Variants in DHX29 observed in about 807,000 individuals in gnomAD.
The protein encoded by DHX29 is DExH-box helicase 29, also known as ATP-dependent RNA helicase DHX29.
In DHX29, 79 loss-of-function variants were observed where a neutral mutation model predicts 167.9. The observed-to-expected ratio is 0.47, with a 90% CI of 0.39 to 0.57. DHX29 has a LOEUF of 0.57. Ranked by LOEUF, DHX29 falls within the 20% of genes least tolerant of loss-of-function variation. The pLI is 0.00. For synonymous variants in DHX29, 530 were observed against 546.0 expected (o/e 0.97, Z 0.41); for missense variants, 1,347 against 1,593.4 (o/e 0.85, Z 2.63).
At chr5:55,284,963 T>C (rs189192063) in intron 10 of DHX29, among the ~76,000 whole-genome samples, 13 of 152,236 alleles carry the variant, frequency 8.5e-5, no homozygotes, top group Non-Finnish European at 1.3e-4. Flanking sequence ...GAGGCTTCAG[T>C]GAGCTATGAC....
intron 12 of DHX29, chr5:55,279,631 CA>C (rs1035535607): frequency 6.6e-5 from 10 of 152,482 alleles, no homozygotes; most frequent in African/African-American, 2.2e-4. Flanking sequence ...CTCAGCCTTG[CA>C]AGCAGATGGG....
chr5:55,300,455 A>G (rs543043464), intron 1 of DHX29, among the ~76,000 whole-genome samples: 4 of 152,264 alleles, frequency 2.6e-5, no homozygotes, highest in Admixed American at 1.3e-4. Flanking sequence ...GGCAGATCAC[A>G]TGAGGTCAGG....
rs758921984 is a variant in DHX29 at position 55,307,671 on chromosome 5, C to T, written c.-98G>A. 1.1e-4 allele frequency: 166 copies of T among 1,474,958 alleles called. 1 individual carries two copies. Among genetic ancestry groups the T allele is most frequent in the Middle Eastern group, 7.3e-4 (3 of 4,104 alleles). 91.4% of individuals were successfully genotyped at this position (1,474,958 alleles called of 1,614,324 possible). A position where few individuals can be genotyped will look rare whatever the true frequency, so the allele number is the denominator to read the frequency against. On this transcript the variant is annotated 5_prime_UTR_variant, in exon 1 of 27. Transcript: ENST00000251636. The stretch of plus-strand genomic sequence containing the variant: ...CATTCCCCGGCTCCGGGGCTGCCAC[C>T]CTGCGCTTCGATCCGGGCTTCTCGG...
intron 1 of DHX29, 25 bp downstream of exon 1, chr5:55,307,362 C>G: frequency 6.2e-7 from 1 of 1,602,218 alleles, no homozygotes; most frequent in South Asian, 1.1e-5. Flanking sequence ...GGGCAGACAG[C>G]CAGGGGCTGG....
At chr5:55,306,223 T>C (rs1363304830) in intron 1 of DHX29, among the ~76,000 whole-genome samples, 2 of 152,204 alleles carry the variant, frequency 1.3e-5, no homozygotes, top group Non-Finnish European at 2.9e-5. Flanking sequence ...GCCTACTTTT[T>C]CAGTCTCATC....
chr5:55,258,364 C>T (rs966261721), intron 26 of DHX29, among the ~76,000 whole-genome samples: 1 of 152,146 alleles, frequency 6.6e-6, no homozygotes. Context: ...AAAAACAACT[C>T]AGTTTATTAA....
intron 10 of DHX29, among the ~76,000 whole-genome samples, chr5:55,284,496 A>G (rs151208841): frequency 6.6e-6 from 1 of 152,332 alleles, no homozygotes; most frequent in East Asian, 1.9e-4. Context: ...AAGGGAAATA[A>G]AGACATTAAG....
intron 8 of DHX29, 118 bp from the exon 9 acceptor site, chr5:55,285,979 G>T: frequency 1.3e-6 from 1 of 754,664 alleles, no homozygotes; most frequent in Non-Finnish European, 2.0e-6. Flanking sequence ...TTGAGGCCAG[G>T]TGCAGTGGCT....
At chr5:55,290,655 G>C (rs1230824618) in intron 6 of DHX29, among the ~76,000 whole-genome samples, 1 of 152,180 alleles carries the variant, frequency 6.6e-6, no homozygotes, top group Non-Finnish European at 1.5e-5. Flanking sequence ...CCCACATGGA[G>C]AAACTTCCTT....
intron 23 of DHX29, among the ~76,000 whole-genome samples, chr5:55,266,147 C>G (rs1226889337): frequency 1.3e-5 from 2 of 151,614 alleles, no homozygotes; most frequent in Non-Finnish European, 2.9e-5. Context: ...TACAGGTGCC[C>G]GCCATCACAC....
chr5:55,307,292 G>A, intron 1 of DHX29, 95 bp downstream of exon 1: 2 of 1,040,034 alleles, frequency 1.9e-6, no homozygotes, highest in Admixed American at 2.6e-5. Flanking sequence ...TAGAAATGTT[G>A]GGCCCGAAGC....
chr5:55,285,428 C>A lies in DHX29; in HGVS notation c.1233-12G>T, dbSNP rs771162764. ...TGATTACCCTAACCCTACAAAGAAGCAAACGCATTTTAAAAAAATAAAGTT... is the reference window on the plus strand; with the variant it reads ...TGATTACCCTAACCCTACAAAGAAGAAAACGCATTTTAAAAAAATAAAGTT... On this transcript the variant is annotated splice_polypyrimidine_tract_variant and intron_variant, in intron 9 of 26. Coordinates refer to ENST00000251636, the MANE Select transcript of DHX29 (RefSeq NM_019030.4). 1 of 1,579,894 alleles carries A rather than the reference C, an allele frequency of 6.3e-7. No individual in the cohort carries two copies. The highest frequency in any genetic ancestry group is 1.9e-5 in the Admixed American group (1 of 53,966).
In DHX29 at chr5:55,276,340, G is replaced by A. The variant is rs779205260; in HGVS notation, c.2353C>T (p.Gln785Ter). 6.2e-7 allele frequency: 1 copy of A among 1,603,438 alleles called. No homozygotes were observed. The highest frequency in any genetic ancestry group is 8.5e-7 in the Non-Finnish European group (1 of 1,175,484). ...TCTTCTTCCTCTTCCAGAAATTTCT[G>A]ACAATATTCTGAGTCTTTTTCCAGT... ...FVLEKDSEYCQKFLEEEEEVT... is the reference protein window; with the variant it reads ...FVLEKDSEYC Residue 785 changes from glutamine (Q) to a stop codon, truncating the protein, a stop_gained, in exon 14 of 27, where the codon CAG (glutamine) becomes TAG (stop). Transcript: ENST00000251636. LOFTEE classifies it high-confidence loss of function.
intron 13 of DHX29, 106 bp from the exon 14 acceptor site, chr5:55,276,512 T>C (rs1747124588): frequency 2.2e-6 from 2 of 908,004 alleles, no homozygotes; most frequent in African/African-American, 1.8e-5. Context: ...CAAATGTTAA[T>C]TTAGAATATT....
chr5:55,284,638 T>G (rs974633961), intron 10 of DHX29, among the ~76,000 whole-genome samples: 5 of 152,178 alleles, frequency 3.3e-5, no homozygotes, highest in African/African-American at 1.2e-4. Flanking sequence ...ACACTGACAA[T>G]CCAAAATTTT....
intron 12 of DHX29, among the ~76,000 whole-genome samples, chr5:55,279,978 G>C (rs1338163536): frequency 6.6e-6 from 1 of 151,998 alleles, no homozygotes; most frequent in Non-Finnish European, 1.5e-5. Flanking sequence ...AATTTGGCTG[G>C]AAGCACACTA....
Position 55,298,552 on chromosome 5 carries a change from A to G in DHX29, c.261+39T>C, listed in dbSNP as rs769305141. ...ATCTTTTTTGGGGGAAAAAAGGGGG[A>G]AACATTTCTTGAAATGACTCAAAAC... On this transcript the variant is annotated intron_variant, in intron 2 of 26. Coordinates refer to ENST00000251636, the MANE Select transcript of DHX29 (RefSeq NM_019030.4). 2.4e-5 allele frequency: 30 copies of G among 1,227,520 alleles called. No homozygotes were observed. In the African/African-American group the frequency reaches 4.5e-4, roughly 18 times the overall value. 76.0% of individuals were successfully genotyped at this position (1,227,520 alleles called of 1,614,324 possible).
intron 12 of DHX29, among the ~76,000 whole-genome samples, chr5:55,277,541 G>A (rs1431245132): frequency 6.6e-6 from 1 of 152,058 alleles, no homozygotes; most frequent in African/African-American, 2.4e-5. Flanking sequence ...CTCTACCCTA[G>A]GAGACGGTTT....
Position 55,307,438 on chromosome 5 carries a change from C to T in DHX29, c.136G>A (p.Ala46Thr), listed in dbSNP as rs1441088524. ...AQSKKPVSRP[A>T]TAAAAAAGSR... ...CCGGCAGCGGCAGCGGCAGCGGTGG[C>T]CGGCCTGGACACTGGCTTCTTGCTT... Residue 46 changes from alanine to threonine, a missense_variant, in exon 1 of 27, where the codon GCC becomes ACC. This residue lies in a region of DHX29 where 405 missense variants were observed against 416.8 expected (regional missense o/e 0.97). Transcript: ENST00000251636. The T allele has an allele frequency of 6.2e-7, 1 of 1,613,046 alleles. No homozygotes were observed. The highest frequency in any genetic ancestry group is 1.1e-5 in the South Asian group (1 of 91,070).
Sources: allele counts gnomAD v4.1 joint callset (sites outside exome capture counted in the v4.1 genomes callset), GRCh38; gene constraint gnomAD v4.1.1; regional missense constraint gnomAD v4.1.1; transcripts MANE v1.5; gene names NCBI Gene and HGNC (gene_info 2026-07-23, HGNC 2026-07-21).